Variants in QRSL1 observed in about 807,000 individuals in gnomAD.
QRSL1 encodes glutamyl-tRNA(Gln) amidotransferase subunit A, mitochondrial.
Under a neutral mutation model 61.6 loss-of-function variants are expected in QRSL1, and 54 were observed. That is an observed-to-expected ratio of 0.88 (90% CI 0.70 to 1.10). The LOEUF is 1.10. Ranked by LOEUF, QRSL1 falls within the 50% of genes least tolerant of loss-of-function variation. QRSL1 has a pLI of 0.00. For missense variants in QRSL1, 505 were observed against 622.6 expected (o/e 0.81, Z 2.01); for synonymous variants, 228 against 225.7 (o/e 1.01, Z -0.09).
In QRSL1 at chr6:106,661,753, C is replaced by G. The variant is rs557972396; in HGVS notation, c.1161-1227C>G. 3.9e-4 allele frequency among the ~76,000 whole-genome samples: 49 copies of G among 124,782 alleles called. No individual in the cohort carries two copies. In the East Asian group the frequency reaches 0.011, roughly 27 times the overall value. 81.9% of individuals were successfully genotyped at this position (124,782 alleles called of 152,430 possible). ...GAGTTCCGCTCTTGTTTCCAGCTCT[C>G]CACGCTGGAGTGCAATGGAGCGATC... On this transcript the variant is annotated intron_variant, in intron 9 of 10. Transcript: ENST00000369046.
chr6:106,637,217 G>A (rs1776938947), intron 1 of QRSL1, among the ~76,000 whole-genome samples: 1 of 152,306 alleles, frequency 6.6e-6, no homozygotes, highest in Middle Eastern at 3.4e-3. Context: ...CTGGAGACAT[G>A]GGATGGCTGG....
chr6:106,660,098 A>C (rs1582420843), intron 9 of QRSL1, among the ~76,000 whole-genome samples: 1 of 146,548 alleles, frequency 6.8e-6, no homozygotes, highest in African/African-American at 2.5e-5. Flanking sequence ...CCTTTAACTT[A>C]CCCCCCACCC....
chr6:106,661,735 G>A (rs969106873), intron 9 of QRSL1, among the ~76,000 whole-genome samples: 6 of 94,388 alleles, frequency 6.4e-5, no homozygotes, highest in Admixed American at 3.6e-4. Flanking sequence ...ACGGAGTTCC[G>A]CTCTTGTTTC....
intron 10 of QRSL1, among the ~76,000 whole-genome samples, chr6:106,663,816 T>C (rs1777396302): frequency 6.6e-6 from 1 of 152,160 alleles, no homozygotes; most frequent in South Asian, 2.1e-4. Context: ...TTTTTAACTT[T>C]TATTTTGAAA....
chr6:106,634,663 G>A (rs1776893845), intron 1 of QRSL1, among the ~76,000 whole-genome samples: 1 of 152,074 alleles, frequency 6.6e-6, no homozygotes, highest in Non-Finnish European at 1.5e-5. Flanking sequence ...CTGCTCAGGA[G>A]GCTGAGGTGG....
chr6:106,650,532 ATTTGTTTACCCCT>A (rs1377657959), intron 5 of QRSL1, among the ~76,000 whole-genome samples: 17 of 2,324 alleles, frequency 7.3e-3, no homozygotes, highest in African/African-American at 0.026. Context: ...CTTATTTTTG[ATTTGTTTACCCCT>A]TTTTGATTTG....
intron 1 of QRSL1, among the ~76,000 whole-genome samples, chr6:106,638,345 C>T (rs1460045821): frequency 6.7e-6 from 1 of 149,434 alleles, no homozygotes; most frequent in Non-Finnish European, 1.5e-5. Flanking sequence ...GCTTTTGTTG[C>T]CCGGGTTGGA....
chr6:106,635,428 C>A (rs990431916), intron 1 of QRSL1, among the ~76,000 whole-genome samples: 1 of 152,108 alleles, frequency 6.6e-6, no homozygotes, highest in Non-Finnish European at 1.5e-5. Flanking sequence ...GTGGAGCTTG[C>A]TGGTGATCTT....
chr6:106,646,366 T>C (rs989444917), intron 4 of QRSL1, among the ~76,000 whole-genome samples: 8 of 152,132 alleles, frequency 5.3e-5, no homozygotes, highest in Non-Finnish European at 1.2e-4. Flanking sequence ...AAGCTGACTC[T>C]AATAATGGGG....
chr6:106,654,148 G>A (rs901968223), intron 7 of QRSL1, among the ~76,000 whole-genome samples: 7 of 152,036 alleles, frequency 4.6e-5, no homozygotes, highest in African/African-American at 1.7e-4. Context: ...TCAGGAGATC[G>A]AGACCATCCT....
intron 4 of QRSL1, among the ~76,000 whole-genome samples, chr6:106,644,339 T>C (rs1777074579): frequency 6.6e-6 from 1 of 152,118 alleles, no homozygotes; most frequent in South Asian, 2.1e-4. Flanking sequence ...CCTTTATTTT[T>C]TAAAGATGGG....
chr6:106,656,409 T>G (rs1292766012), intron 9 of QRSL1, among the ~76,000 whole-genome samples: 1 of 152,258 alleles, frequency 6.6e-6, no homozygotes, highest in East Asian at 1.9e-4. Flanking sequence ...GTATTATGTA[T>G]GTCTTTACTC....
chr6:106,651,388 A>G (rs1182200785), intron 5 of QRSL1, among the ~76,000 whole-genome samples: 3 of 152,198 alleles, frequency 2.0e-5, no homozygotes, highest in Non-Finnish European at 2.9e-5. Context: ...TTTAAAAATT[A>G]CTAGTACTCA....
intron 5 of QRSL1, 83 bp downstream of exon 5, chr6:106,649,284 A>C: frequency 7.2e-7 from 1 of 1,386,798 alleles, no homozygotes; most frequent in Non-Finnish European, 9.8e-7. Flanking sequence ...AGAGTAGTTC[A>C]TATCCTGGTA....
chr6:106,639,275 G>A (rs1288698219), intron 1 of QRSL1, among the ~76,000 whole-genome samples: 3 of 151,808 alleles, frequency 2.0e-5, no homozygotes, highest in Non-Finnish European at 4.4e-5. Context: ...ACAGGCACGT[G>A]CCACCACACC....
At position 106,654,920 on chromosome 6, in the gene QRSL1, A is replaced by G. The variant is rs755136358; in HGVS notation, c.1040A>G (p.Tyr347Cys). 2 of 1,567,836 alleles carry G rather than the reference A, an allele frequency of 1.3e-6. No homozygotes were observed. The highest frequency in any genetic ancestry group is 1.2e-5 in the South Asian group (1 of 83,470). The change falls in exon 8 of 11, where the codon TAT becomes TGT. Residue 347 changes from tyrosine to cysteine, a missense_variant and splice_region_variant. Coordinates refer to ENST00000369046, the MANE Select transcript of QRSL1 (RefSeq NM_018292.5). ...SNMARFDGLQ[Y>C]GHRCDIDVST... ...ATGGCAAGATTTGATGGGCTACAAT[A>G]TGGTAAGATGGCTGGGTTATTTTAT...
chr6:106,655,001 T>C, intron 8 of QRSL1, 79 bp downstream of exon 8: 1 of 1,301,112 alleles, frequency 7.7e-7, no homozygotes, highest in Non-Finnish European at 1.1e-6. Context: ...GACAAAAAAG[T>C]TAATGCTTGA....
chr6:106,655,007 C>T, intron 8 of QRSL1, 85 bp downstream of exon 8: 1 of 1,255,872 alleles, frequency 8.0e-7, no homozygotes, highest in Non-Finnish European at 1.1e-6. Context: ...AAAGTTAATG[C>T]TTGAGATAAT....
intron 7 of QRSL1, among the ~76,000 whole-genome samples, chr6:106,654,375 A>C (rs1035344889): frequency 6.6e-6 from 1 of 152,180 alleles, no homozygotes; most frequent in Non-Finnish European, 1.5e-5. Context: ...AAAATCATCT[A>C]ACAGGGTACC....
Sources: gnomAD v4.1 joint callset for allele counts (sites outside exome capture counted in the v4.1 genomes callset) on GRCh38, gnomAD v4.1.1 for gene constraint, MANE v1.5 for transcripts, NCBI Gene and HGNC (gene_info 2026-07-23, HGNC 2026-07-21) for gene names.